ITGAE: variants seen among roughly 807,000 people sequenced by gnomAD.
ITGAE encodes the protein integrin subunit alpha E, also known as integrin alpha-E.
A neutral mutation model predicts 136.5 loss-of-function variants in ITGAE; 99 were observed. The observed-to-expected ratio is 0.73, with a 90% confidence interval of 0.62 to 0.86. The LOEUF (loss-of-function observed/expected upper bound fraction) is 0.86. Among genes scored for constraint, ITGAE ranks in the 40% least tolerant of loss-of-function variants. The pLI is 0.00. For missense variants in ITGAE, 1,447 were observed against 1,515.3 expected (o/e 0.95, Z 0.75); for synonymous variants, 613 against 591.8 (o/e 1.04, Z -0.52).
chr17:3,728,939 G>A (rs1164340459), intron 24 of ITGAE, among the ~76,000 whole-genome samples: 1 of 151,850 alleles, frequency 6.6e-6, no homozygotes, highest in Non-Finnish European at 1.5e-5. Context: ...GGGAGGCTGA[G>A]GCAGGAGAAT....
intron 1 of ITGAE, among the ~76,000 whole-genome samples, chr17:3,786,538 C>T (rs572515337): frequency 6.6e-6 from 1 of 152,092 alleles, no homozygotes; most frequent in Non-Finnish European, 1.5e-5. Flanking sequence ...CCGTCTCTCT[C>T]GAACATAAAT....
At chr17:3,781,115 TTTG>T (rs2052657091) in intron 1 of ITGAE, among the ~76,000 whole-genome samples, 1 of 152,366 alleles carries the variant, frequency 6.6e-6, no homozygotes, top group South Asian at 2.1e-4. Flanking sequence ...TTCTTATTTA[TTTG>T]TAAGAGCTTT....
intron 1 of ITGAE, among the ~76,000 whole-genome samples, chr17:3,789,431 TTTCC>T (rs1230140419): frequency 1.1e-4 from 17 of 151,884 alleles, no homozygotes; most frequent in African/African-American, 2.9e-4. Flanking sequence ...TCTTTTAAGT[TTTCC>T]TTCCTTCCTT....
At chr17:3,728,971 G>A (rs2051279692) in intron 24 of ITGAE, among the ~76,000 whole-genome samples, 1 of 151,708 alleles carries the variant, frequency 6.6e-6, no homozygotes, top group Non-Finnish European at 1.5e-5. Flanking sequence ...GGGCGGCAGA[G>A]GTTGCAGTGA....
chr17:3,733,662 C>T (rs2143011478), intron 21 of ITGAE, among the ~76,000 whole-genome samples: 1 of 152,320 alleles, frequency 6.6e-6, no homozygotes, highest in South Asian at 2.1e-4. Context: ...CTCAGGTGAT[C>T]CGCCCGCCTC....
intron 2 of ITGAE, among the ~76,000 whole-genome samples, chr17:3,772,527 G>A (rs2052450909): frequency 1.3e-5 from 2 of 150,732 alleles, no homozygotes; most frequent in Non-Finnish European, 1.5e-5. Flanking sequence ...GCAGTGGCGC[G>A]ATCTCGGCTC....
chr17:3,729,040 TAAA>T (rs368373828), intron 24 of ITGAE, among the ~76,000 whole-genome samples: 42,657 of 142,000 alleles, frequency 0.3, 8,167 homozygotes, highest in African/African-American at 0.55. Flanking sequence ...CGTCTCAGTT[TAAA>T]AAAAAAAAAA....
chr17:3,794,874 C>T (rs1437853577), intron 1 of ITGAE, among the ~76,000 whole-genome samples: 2 of 152,178 alleles, frequency 1.3e-5, no homozygotes, highest in African/African-American at 4.8e-5. Flanking sequence ...TGAAAAGGCA[C>T]GAGTGGAGGC....
At chr17:3,765,068 G>T (rs887475217) in intron 2 of ITGAE, among the ~76,000 whole-genome samples, 3 of 152,072 alleles carry the variant, frequency 2.0e-5, no homozygotes, top group Non-Finnish European at 2.9e-5. Flanking sequence ...CTCATGATGA[G>T]GCCGGGCGCG....
intron 17 of ITGAE, 146 bp from the exon 18 acceptor site, chr17:3,746,073 GT>G: frequency 1.5e-6 from 1 of 686,276 alleles, no homozygotes; most frequent in Non-Finnish European, 2.4e-6. Flanking sequence ...TCCTGCGTCG[GT>G]TTTTCAAAGA....
At chr17:3,719,234 T>TAAAAAAAAAAAAAAAAAAAAAAAAAAAA (rs2050999265) in intron 29 of ITGAE, among the ~76,000 whole-genome samples, 3 of 34,834 alleles carry the variant, frequency 8.6e-5, no homozygotes, top group Admixed American at 3.4e-4. Context: ...AGATTCTTCC[T>TAAAAAAAAAAAAAAAAAAAAAAAAAAAA]CAAAAAAAAA....
chr17:3,723,266 G>A, intron 28 of ITGAE, 22 bp downstream of exon 28: 1 of 1,498,828 alleles, frequency 6.7e-7, no homozygotes, highest in Non-Finnish European at 9.3e-7. Context: ...AATCAAATCT[G>A]GAGCATTTCA....
chr17:3,787,979 A>G (rs1281035951), intron 1 of ITGAE, among the ~76,000 whole-genome samples: 1 of 151,724 alleles, frequency 6.6e-6, no homozygotes, highest in Non-Finnish European at 1.5e-5. Context: ...GTGAGCCACC[A>G]CACCTGGTTT....
In ITGAE at chr17:3,748,042, C is replaced by A. The variant is rs781369028; in HGVS notation, c.2035G>T (p.Val679Leu). The A allele has an allele frequency of 6.2e-7, 1 of 1,611,768 alleles. No homozygotes were observed. The highest frequency in any genetic ancestry group is 2.2e-5 in the East Asian group (1 of 44,766). ...GCCATGGAGACCTTCAGGCGAACCA[C>A]AGGCCGGGAGCTAAACAAGACAGCA... Reference protein sequence around the residue: ...GQAVVFRSRPVVRLKVSMAFT... With the variant: ...GQAVVFRSRPLVRLKVSMAFT... The change falls in exon 17 of 31, where the codon GTG becomes TTG. Residue 679 changes from valine (V) to leucine (L), a missense_variant. Val to Leu is a conservative substitution (Grantham distance 32). Transcript: ENST00000263087.
At position 3,719,648 on chromosome 17, in the gene ITGAE, A is replaced by G. The variant is rs539368719; in HGVS notation, c.3333+659T>C. On this transcript the variant is annotated intron_variant, in intron 29 of 30. Transcript: ENST00000263087. ...GCATTCCTGAGTACTGTTTAATACT[A>G]TAACTAAACACTGATACAGCACACT... 2.6e-5 allele frequency among the ~76,000 whole-genome samples: 4 copies of G among 152,364 alleles called. 1 individual carries two copies. The highest frequency in any genetic ancestry group is 2.6e-4 in the Admixed American group (4 of 15,304).
At chr17:3,774,396 A>G (rs1254867356) in intron 2 of ITGAE, among the ~76,000 whole-genome samples, 1 of 152,150 alleles carries the variant, frequency 6.6e-6, no homozygotes, top group Non-Finnish European at 1.5e-5. Context: ...ATTGAAATCA[A>G]TGACAGAGAC....
At position 3,738,310 on chromosome 17, in the gene ITGAE, A is replaced by ACC. The variant is rs1187602298; in HGVS notation, c.2522+1494_2522+1495insGG. Among the ~76,000 whole-genome samples the ACC allele has an allele frequency of 5.8e-3, 886 of 151,784 alleles. 12 individuals are homozygous for ACC. The highest frequency in any genetic ancestry group is 0.021 in the African/African-American group (850 of 41,376). On this transcript the variant is annotated intron_variant, in intron 20 of 30. Coordinates refer to ENST00000263087, the MANE Select transcript of ITGAE (RefSeq NM_002208.5). ...CTCAGCCTGCCCAGTAGCTGTGATT[A>ACC]CAGGCGCCCACCACCATGCCCAGCT...
At chr17:3,786,115 C>A (rs372685607) in intron 1 of ITGAE, among the ~76,000 whole-genome samples, 1 of 146,532 alleles carries the variant, frequency 6.8e-6, no homozygotes, top group Admixed American at 7.0e-5. Flanking sequence ...TGCAGTGAGC[C>A]GAGATCGCGC....
chr17:3,797,820 C>T (rs1028812983), intron 1 of ITGAE, among the ~76,000 whole-genome samples: 10 of 152,178 alleles, frequency 6.6e-5, no homozygotes, highest in Non-Finnish European at 1.5e-4. Context: ...TCCGCAACAG[C>T]CGCAGATGGG....
Sources: allele counts gnomAD v4.1 joint callset (sites outside exome capture counted in the v4.1 genomes callset), GRCh38; gene constraint gnomAD v4.1.1; transcripts MANE v1.5; gene names NCBI Gene and HGNC (gene_info 2026-07-23, HGNC 2026-07-21).